Variants in GLDN observed in about 807,000 individuals in gnomAD.
GLDN encodes the protein gliomedin.
A neutral mutation model predicts 56.5 loss-of-function variants in GLDN; 47 were observed. That is an observed-to-expected ratio of 0.83 (90% CI 0.66 to 1.06). The LOEUF (loss-of-function observed/expected upper bound fraction) is 1.06. Ranked by LOEUF, GLDN falls within the 50% of genes least tolerant of loss-of-function variation. GLDN has a pLI of 0.00. For synonymous variants in GLDN, 332 were observed against 278.8 expected (o/e 1.19, Z -1.90); for missense variants, 782 against 714.3 (o/e 1.09, Z -1.08).
intron 5 of GLDN, among the ~76,000 whole-genome samples, chr15:51,395,877 G>C (rs1354919340): frequency 6.6e-6 from 1 of 152,154 alleles, no homozygotes; most frequent in Non-Finnish European, 1.5e-5. Context: ...GAAGGTGAAG[G>C]GGGAGCAGGT....
intron 1 of GLDN, among the ~76,000 whole-genome samples, chr15:51,352,013 T>C (rs953644685): frequency 3.3e-5 from 5 of 152,230 alleles, no homozygotes; most frequent in East Asian, 1.9e-4. Flanking sequence ...GTTGCTGTTA[T>C]TAAGATTTAT....
chr15:51,355,933 T>C (rs188424589), intron 1 of GLDN, among the ~76,000 whole-genome samples: 1,624 of 147,306 alleles, frequency 0.011, 85 homozygotes, highest in Admixed American at 0.095. Context: ...CTCAGCCGGG[T>C]GTGGTGGCTC....
intron 1 of GLDN, among the ~76,000 whole-genome samples, chr15:51,363,110 T>C (rs911517902): frequency 6.6e-6 from 1 of 152,140 alleles, no homozygotes; most frequent in Non-Finnish European, 1.5e-5. Context: ...CATTGAGATG[T>C]TCATTAGATG....
At chr15:51,364,511 C>T (rs965872237) in intron 1 of GLDN, among the ~76,000 whole-genome samples, 1 of 152,176 alleles carries the variant, frequency 6.6e-6, no homozygotes, top group African/African-American at 2.4e-5. Context: ...TCCCAAAGTG[C>T]TGGGATTACA....
At chr15:51,359,772 C>T (rs901368793) in intron 1 of GLDN, among the ~76,000 whole-genome samples, 1 of 151,850 alleles carries the variant, frequency 6.6e-6, no homozygotes, top group Admixed American at 6.6e-5. Flanking sequence ...GTCAGGAGAT[C>T]GAGACCATCC....
In GLDN at chr15:51,407,958, T is replaced by G. The variant is rs948059758; in HGVS notation, c.*3204T>G. ...GAATAACGATGAATGTCTTTTTGGT[T>G]GTAATTTAACAAGTCAAATAAAATA... On this transcript the variant is annotated 3_prime_UTR_variant, in exon 10 of 10. Coordinates refer to ENST00000335449, the MANE Select transcript of GLDN (RefSeq NM_181789.4). 1 of 152,240 alleles carries G rather than the reference T, an allele frequency of 6.6e-6. No individual in the cohort carries two copies. The highest frequency in any genetic ancestry group is 1.5e-5 in the Non-Finnish European group (1 of 68,042). The allele number at this position is 152,240 out of a possible 1,614,324, so 9.4% of individuals were successfully genotyped here.
At chr15:51,397,282 C>T (rs956520639) in intron 5 of GLDN, among the ~76,000 whole-genome samples, 188 bp from the exon 6 acceptor site, 1 of 152,076 alleles carries the variant, frequency 6.6e-6, no homozygotes, top group Non-Finnish European at 1.5e-5. Context: ...CTACTCTCTT[C>T]CCTTCTTCCC....
intron 1 of GLDN, among the ~76,000 whole-genome samples, chr15:51,368,630 G>A (rs1448605656): frequency 6.6e-6 from 1 of 151,568 alleles, no homozygotes; most frequent in African/African-American, 2.4e-5. Context: ...AGTTTATTGT[G>A]CATACAAAGA....
chr15:51,367,875 C>T (rs1367909240), intron 1 of GLDN, among the ~76,000 whole-genome samples: 4 of 152,122 alleles, frequency 2.6e-5, no homozygotes, highest in African/African-American at 9.7e-5. Flanking sequence ...CAGACCAGGC[C>T]ACATCAATGG....
At chr15:51,349,691 T>G (rs1198159888) in intron 1 of GLDN, among the ~76,000 whole-genome samples, 2 of 151,920 alleles carry the variant, frequency 1.3e-5, no homozygotes, top group African/African-American at 4.8e-5. Context: ...TCAGAAAAAC[T>G]TTGCCAGACC....
chr15:51,381,821 G>A (rs927158606), intron 2 of GLDN, among the ~76,000 whole-genome samples: 1 of 149,314 alleles, frequency 6.7e-6, no homozygotes, highest in Non-Finnish European at 1.5e-5. Context: ...CTGTCTCTGT[G>A]TCACTGTCTC....
At chr15:51,351,790 G>C (rs1185708640) in intron 1 of GLDN, among the ~76,000 whole-genome samples, 1 of 152,178 alleles carries the variant, frequency 6.6e-6, no homozygotes, top group African/African-American at 2.4e-5. Context: ...TAAGCAGTGT[G>C]GACTTGGAAG....
Position 51,377,477 on chromosome 15 carries a change from G to A in GLDN, c.392G>A (p.Ser131Asn), listed in dbSNP as rs1390920717. 6.2e-7 allele frequency: 1 copy of A among 1,614,020 alleles called. No homozygotes were observed. The highest frequency in any genetic ancestry group is 1.1e-5 in the South Asian group (1 of 91,070). The change falls in exon 2 of 10, where the codon AGC becomes AAC. Residue 131 changes from serine to asparagine, a missense_variant. Coordinates refer to ENST00000335449, the MANE Select transcript of GLDN (RefSeq NM_181789.4). Reference sequence around the variant, plus strand: ...CGAGTGATGGTGGACCTGTGCAACAGCACCAAGGGCATCTGCCTCACAGGT... The same window carrying A: ...CGAGTGATGGTGGACCTGTGCAACAACACCAAGGGCATCTGCCTCACAGGT... ...PIRVMVDLCN[S>N]TKGICLTGPS...
intron 5 of GLDN, 72 bp downstream of exon 5, chr15:51,395,053 G>C: frequency 7.1e-7 from 1 of 1,415,532 alleles, no homozygotes; most frequent in Non-Finnish European, 9.4e-7. Flanking sequence ...CCAACACCAG[G>C]GCTGCTCCTG....
intron 1 of GLDN, among the ~76,000 whole-genome samples, chr15:51,375,507 C>T (rs2037611192): frequency 6.6e-6 from 1 of 152,202 alleles, no homozygotes; most frequent in African/African-American, 2.4e-5. Flanking sequence ...TCAGTAGCAG[C>T]CTATGAATTT....
At chr15:51,361,791 G>A (rs907843015) in intron 1 of GLDN, among the ~76,000 whole-genome samples, 69 of 152,164 alleles carry the variant, frequency 4.5e-4, no homozygotes, top group African/African-American at 1.4e-3. Context: ...GTGGTTGGGC[G>A]TGATTGCGCA....
chr15:51,384,897 A>G (rs1188228443), intron 4 of GLDN: 1 of 152,196 alleles, frequency 6.6e-6, no homozygotes, highest in Non-Finnish European at 1.5e-5. Flanking sequence ...AATGGTAGAA[A>G]ATTCTTCCAG....
At chr15:51,412,816 T>C (rs974780765), downstream of GLDN, among the ~76,000 whole-genome samples, 7 of 152,210 alleles carry the variant, frequency 4.6e-5, no homozygotes, top group African/African-American at 1.7e-4. Context: ...GCTACATCTA[T>C]TTGTGTATCG....
chr15:51,384,061 A>T (rs2081477303), intron 4 of GLDN, 169 bp downstream of exon 4: 1 of 685,416 alleles, frequency 1.5e-6, no homozygotes, highest in Non-Finnish European at 2.6e-6. Flanking sequence ...CCAAGGGTAT[A>T]CTTCTTGGTC....
Sources: allele counts gnomAD v4.1 joint callset (sites outside exome capture counted in the v4.1 genomes callset), GRCh38; gene constraint gnomAD v4.1.1; transcripts MANE v1.5; gene names NCBI Gene and HGNC (gene_info 2026-07-23, HGNC 2026-07-21).